The following TBCD variants were observed in gnomAD, a reference collection of about 807,000 sequenced individuals.
TBCD encodes the protein tubulin-specific chaperone D.
In TBCD, 105 loss-of-function variants were observed where a neutral mutation model predicts 169.3. That is an observed-to-expected ratio of 0.62 (90% confidence interval 0.53 to 0.73). TBCD has a LOEUF of 0.73. Ranked by LOEUF, TBCD falls within the 30% of genes least tolerant of loss-of-function variation. The probability of loss-of-function intolerance (pLI) is 0.00; values close to 1 mark genes in which losing one functional copy is unlikely to be tolerated. For missense variants in TBCD, 1,444 were observed against 1,600.1 expected (o/e 0.90, Z 1.66); for synonymous variants, 700 against 643.9 (o/e 1.09, Z -1.32).
chr17:82,772,907 G>C (rs1228948674), intron 6 of TBCD, among the ~76,000 whole-genome samples: 1 of 152,154 alleles, frequency 6.6e-6, no homozygotes, highest in Non-Finnish European at 1.5e-5. Context: ...ATCCCCCAAC[G>C]TCCTGTATTA....
At chr17:82,886,329 A>G (rs1383878086) in intron 15 of TBCD, 1 of 152,140 alleles carries the variant, frequency 6.6e-6, no homozygotes, top group Non-Finnish European at 1.5e-5. Flanking sequence ...TCGTTGCTGA[A>G]TGCTGGTTTT....
intron 36 of TBCD, chr17:82,939,123 G>T: frequency 1.8e-6 from 1 of 569,822 alleles, no homozygotes; most frequent in Non-Finnish European, 3.1e-6. Flanking sequence ...AAACAAGAAT[G>T]ATGTCATCTT....
At chr17:82,847,768 C>T (rs372402155) in intron 13 of TBCD, among the ~76,000 whole-genome samples, 3 of 152,118 alleles carry the variant, frequency 2.0e-5, no homozygotes, top group East Asian at 3.8e-4. Flanking sequence ...ATCACAGTTG[C>T]GTGGTACCAC....
intron 7 of TBCD, among the ~76,000 whole-genome samples, chr17:82,796,646 C>T (rs1007048286): frequency 1.3e-5 from 2 of 152,302 alleles, no homozygotes; most frequent in Middle Eastern, 3.4e-3. Context: ...CTGTTTTGAT[C>T]GTAGGTGTGG....
Position 82,930,226 on chromosome 17 carries a change from A to G in TBCD, c.2992-296A>G, listed in dbSNP as rs1209003915. The G allele has an allele frequency of 2.1e-5, 9 of 418,630 alleles. No homozygotes were observed. Among genetic ancestry groups the G allele is most frequent in the Non-Finnish European group, 3.9e-5 (9 of 231,116 alleles). The allele number at this position is 418,630 out of a possible 1,614,324, so 25.9% of individuals were successfully genotyped here. On this transcript the variant is annotated intron_variant, in intron 32 of 38. Coordinates refer to ENST00000355528, the MANE Select transcript of TBCD (RefSeq NM_005993.5). This position sits in a 1 kb window ranked among gnomAD's most constrained non-coding sequence, Gnocchi z 5.2. ...TTATCAAATCCCGCTTCAGTGGGAA[A>G]CGTGAGCGAAACCCAAGGTGAGTGG...
chr17:82,926,871 G>T (rs749328288), intron 28 of TBCD: 7 of 500,696 alleles, frequency 1.4e-5, no homozygotes, highest in East Asian at 1.1e-4. Flanking sequence ...GAGCAGTCCC[G>T]CGGGGGCCAC....
At chr17:82,763,165 C>G (rs2047854199) in intron 2 of TBCD, among the ~76,000 whole-genome samples, 1 of 152,124 alleles carries the variant, frequency 6.6e-6, no homozygotes, top group Admixed American at 6.6e-5. Context: ...TCAACCGTGT[C>G]TCCTTTCATT....
At chr17:82,861,254 C>T (rs1027130043) in intron 13 of TBCD, among the ~76,000 whole-genome samples, 36 of 152,046 alleles carry the variant, frequency 2.4e-4, no homozygotes, top group African/African-American at 8.2e-4. Flanking sequence ...GATGTGCGGC[C>T]GGCTGGGGGC....
chr17:82,867,176 C>T (rs1360397158), intron 13 of TBCD, among the ~76,000 whole-genome samples: 1 of 125,918 alleles, frequency 7.9e-6, no homozygotes, highest in Non-Finnish European at 1.8e-5. Flanking sequence ...CCTCCGTGGC[C>T]TGGGGTGGGG....
At chr17:82,780,143 T>C (rs1357046196) in intron 6 of TBCD, among the ~76,000 whole-genome samples, 1 of 151,940 alleles carries the variant, frequency 6.6e-6, no homozygotes. Context: ...GCCTTTGCAG[T>C]TCGCGAGTTC....
chr17:82,762,350 A>C (rs1598392669), intron 2 of TBCD, among the ~76,000 whole-genome samples: 1 of 151,692 alleles, frequency 6.6e-6, no homozygotes, highest in East Asian at 2.0e-4. Context: ...GCTACTGTGA[A>C]AATGTTTATG....
At chr17:82,860,260 AGCGCCCT>A in intron 13 of TBCD, 1 of 522,116 alleles carries the variant, frequency 1.9e-6, no homozygotes, top group Non-Finnish European at 2.5e-6. Context: ...AGCGGGTAGG[AGCGCCCT>A]GGCTTCAGGG....
intron 38 of TBCD, 125 bp from the exon 39 acceptor site, chr17:82,942,324 C>A: frequency 1.4e-6 from 2 of 1,415,602 alleles, no homozygotes; most frequent in Non-Finnish European, 2.0e-6. Context: ...TGGGAAACGG[C>A]ACAAATGGTT....
At chr17:82,783,632 T>A (rs1274074051) in intron 7 of TBCD, among the ~76,000 whole-genome samples, 1 of 152,206 alleles carries the variant, frequency 6.6e-6, no homozygotes, top group East Asian at 1.9e-4. Context: ...TGGCCTTCAC[T>A]GAGCCCGATG....
intron 7 of TBCD, among the ~76,000 whole-genome samples, chr17:82,795,329 G>A (rs978740079): frequency 2.0e-5 from 3 of 152,140 alleles, no homozygotes; most frequent in Non-Finnish European, 4.4e-5. Context: ...CGGGGGACAC[G>A]ATAGCCTGTT....
intron 2 of TBCD, among the ~76,000 whole-genome samples, chr17:82,761,488 A>AT (rs2047751836): frequency 6.6e-6 from 1 of 152,154 alleles, no homozygotes; most frequent in Admixed American, 6.6e-5. Flanking sequence ...CATTTCTGTC[A>AT]TCCCAAGGAG....
intron 38 of TBCD, 41 bp from the exon 39 acceptor site, chr17:82,942,408 T>C: frequency 6.2e-7 from 1 of 1,613,854 alleles, no homozygotes; most frequent in Non-Finnish European, 8.5e-7. Flanking sequence ...ATGGTGTGTG[T>C]TGGAGCTGAC....
chr17:82,906,141 C>G, intron 20 of TBCD, 88 bp downstream of exon 20: 2 of 985,146 alleles, frequency 2.0e-6, no homozygotes, highest in Non-Finnish European at 3.0e-6. Flanking sequence ...TCGAGACTCT[C>G]TCATCCCTTC....
chr17:82,870,166 C>A, intron 13 of TBCD, 58 bp from the exon 14 acceptor site: 1 of 1,606,272 alleles, frequency 6.2e-7, no homozygotes, highest in Non-Finnish European at 8.5e-7. Context: ...TTCTCTGAAG[C>A]CTCACGTGTT....
Sources: allele counts gnomAD v4.1 joint callset (sites outside exome capture counted in the v4.1 genomes callset), GRCh38; gene constraint gnomAD v4.1.1; non-coding constraint Gnocchi (gnomAD v3.1); transcripts MANE v1.5; gene names NCBI Gene and HGNC (gene_info 2026-07-23, HGNC 2026-07-21).